Variants in CA10 observed in about 807,000 individuals in gnomAD.
CA10 encodes carbonic anhydrase 10 (inactive).
In CA10, 14 loss-of-function variants were observed where a neutral mutation model predicts 44.2. That is an observed-to-expected ratio of 0.32 (90% CI 0.21 to 0.50). The LOEUF (loss-of-function observed/expected upper bound fraction) is 0.50, where lower values mean the gene tolerates loss of function less well. Among genes scored for constraint, CA10 ranks in the 20% least tolerant of loss-of-function variants. The probability of loss-of-function intolerance (pLI) is 0.99; values close to 1 mark genes in which losing one functional copy is unlikely to be tolerated. For missense variants in CA10, 350 were observed against 409.7 expected (o/e 0.85, Z 1.26); for synonymous variants, 159 against 141.6 (o/e 1.12, Z -0.87).
chr17:51,780,684 T>C (rs1472750416), intron 3 of CA10, among the ~76,000 whole-genome samples: 1 of 152,162 alleles, frequency 6.6e-6, no homozygotes, highest in African/African-American at 2.4e-5. Context: ...AGAGAGAAAG[T>C]GACTAACTCC....
At chr17:51,743,618 G>T (rs556403338) in intron 4 of CA10, among the ~76,000 whole-genome samples, 36 of 152,298 alleles carry the variant, frequency 2.4e-4, no homozygotes, top group Middle Eastern at 3.4e-3. Context: ...CACTAGACAA[G>T]ACTGCAATTA....
chr17:51,926,608 T>C (rs1982440300), intron 3 of CA10, among the ~76,000 whole-genome samples: 1 of 152,198 alleles, frequency 6.6e-6, no homozygotes, highest in African/African-American at 2.4e-5. Context: ...TCTGTTTCTT[T>C]GCGCTTTGCA....
chr17:51,739,253 C>T (rs1277038558), intron 4 of CA10, among the ~76,000 whole-genome samples: 5 of 151,908 alleles, frequency 3.3e-5, no homozygotes, highest in East Asian at 1.9e-4. Context: ...AGCTAGTTCA[C>T]GGAAATGTTG....
chr17:51,865,141 A>G (rs183603873), intron 3 of CA10, among the ~76,000 whole-genome samples: 2 of 152,276 alleles, frequency 1.3e-5, no homozygotes, highest in Admixed American at 6.5e-5. Flanking sequence ...GGTATACATC[A>G]AATTGCATTT....
intron 3 of CA10, among the ~76,000 whole-genome samples, chr17:51,871,334 C>T (rs1294381331): frequency 6.6e-5 from 10 of 150,704 alleles, no homozygotes; most frequent in East Asian, 1.9e-4. Context: ...CAGGTTCAAG[C>T]GATTCTCCTG....
At chr17:51,654,120 G>A (rs574952133) in intron 4 of CA10, among the ~76,000 whole-genome samples, 52 of 152,294 alleles carry the variant, frequency 3.4e-4, no homozygotes, top group East Asian at 5.8e-4. Flanking sequence ...AGCTGCCACT[G>A]GCAGCCAGTA....
chr17:51,876,108 T>C (rs765183531), intron 3 of CA10, among the ~76,000 whole-genome samples: 26 of 151,314 alleles, frequency 1.7e-4, no homozygotes, highest in Admixed American at 4.6e-4. Context: ...AATGCAGCTA[T>C]AAACATTCAT....
At chr17:51,990,527 G>C (rs181477314) in intron 2 of CA10, among the ~76,000 whole-genome samples, 1 of 152,038 alleles carries the variant, frequency 6.6e-6, no homozygotes, top group East Asian at 1.9e-4. Context: ...AGTAGGAGAG[G>C]AGACAGTACA....
intron 2 of CA10, among the ~76,000 whole-genome samples, chr17:51,999,047 C>T (rs749702657): frequency 6.6e-6 from 1 of 152,006 alleles, no homozygotes; most frequent in Non-Finnish European, 1.5e-5. Context: ...TCTTGAGTAA[C>T]ACAATATATG....
intron 4 of CA10, among the ~76,000 whole-genome samples, chr17:51,681,363 T>C (rs1027169787): frequency 6.6e-6 from 1 of 152,206 alleles, no homozygotes; most frequent in Non-Finnish European, 1.5e-5. Context: ...AGTGCTGCTG[T>C]TGGCATCAGA....
At chr17:51,900,558 A>T (rs577041386) in intron 3 of CA10, among the ~76,000 whole-genome samples, 19 of 152,230 alleles carry the variant, frequency 1.2e-4, no homozygotes, top group Admixed American at 8.5e-4. Context: ...TATTTCTCAA[A>T]TTTGAATGTT....
chr17:51,965,422 A>T (rs138879081), intron 2 of CA10, among the ~76,000 whole-genome samples: 78 of 151,058 alleles, frequency 5.2e-4, no homozygotes, highest in African/African-American at 1.8e-3. Flanking sequence ...AAAGACAATT[A>T]AAAAAAACCT....
intron 3 of CA10, among the ~76,000 whole-genome samples, chr17:51,813,646 G>A (rs1323763646): frequency 3.3e-5 from 5 of 152,184 alleles, no homozygotes; most frequent in Non-Finnish European, 7.3e-5. Context: ...CCATGAGAGA[G>A]AGCTGGAGCT....
At chr17:51,905,932 C>G (rs1020642134) in intron 3 of CA10, among the ~76,000 whole-genome samples, 1 of 152,120 alleles carries the variant, frequency 6.6e-6, no homozygotes, top group Non-Finnish European at 1.5e-5. Flanking sequence ...ACACAGAAAC[C>G]CTCCTCTGTC....
At chr17:51,687,144 G>A (rs986921785) in intron 4 of CA10, among the ~76,000 whole-genome samples, 1 of 152,048 alleles carries the variant, frequency 6.6e-6, no homozygotes, top group Non-Finnish European at 1.5e-5. Flanking sequence ...TTACCTTTAT[G>A]ATCTCATTTT....
At chr17:52,012,325 C>CACA (rs1222377829) in intron 2 of CA10, among the ~76,000 whole-genome samples, 2 of 151,896 alleles carry the variant, frequency 1.3e-5, no homozygotes, top group African/African-American at 4.8e-5. Flanking sequence ...ACAATGGCCA[C>CACA]ACAGCTGATA....
intron 4 of CA10, among the ~76,000 whole-genome samples, chr17:51,703,082 T>TA (rs1359633060): frequency 1.3e-5 from 2 of 152,140 alleles, no homozygotes; most frequent in Non-Finnish European, 2.9e-5. Flanking sequence ...TCAGGGAGGT[T>TA]AAGTGTCTTT....
At chr17:51,787,846 TTTC>T (rs1201742559) in intron 3 of CA10, among the ~76,000 whole-genome samples, 4 of 152,226 alleles carry the variant, frequency 2.6e-5, no homozygotes, top group Non-Finnish European at 5.9e-5. Flanking sequence ...TTATTCGGAT[TTTC>T]TTTTTTTCTT....
intron 3 of CA10, among the ~76,000 whole-genome samples, chr17:51,787,487 TCTTTTTTTTC>T (rs1302710898): frequency 1.3e-5 from 2 of 151,908 alleles, no homozygotes; most frequent in African/African-American, 4.8e-5. Flanking sequence ...TTTCTATTTT[TCTTTTTTTTC>T]CTTTTTTTTT....
Sources: gnomAD v4.1 joint callset for allele counts (sites outside exome capture counted in the v4.1 genomes callset) on GRCh38, gnomAD v4.1.1 for gene constraint, MANE v1.5 for transcripts, NCBI Gene and HGNC (gene_info 2026-07-23, HGNC 2026-07-21) for gene names.